Variants in TOX observed in about 807,000 individuals in gnomAD.
The protein encoded by TOX is thymocyte selection associated high mobility group box, also known as thymocyte selection-associated high mobility group box protein TOX.
Under a neutral mutation model 53.7 loss-of-function variants are expected in TOX, and 11 were observed. The observed-to-expected ratio is 0.20, with a 90% CI of 0.13 to 0.34. The LOEUF is 0.34. Ranked by LOEUF, TOX falls within the 10% of genes least tolerant of loss-of-function variation. The pLI is 1.00. For synonymous variants in TOX, 225 were observed against 245.3 expected (o/e 0.92, Z 0.77); for missense variants, 570 against 664.6 (o/e 0.86, Z 1.56).
chr8:58,979,683 T>C (rs1585939001), intron 1 of TOX, among the ~76,000 whole-genome samples: 1 of 152,358 alleles, frequency 6.6e-6, no homozygotes, highest in South Asian at 2.1e-4. Flanking sequence ...ATGATGATTT[T>C]TGTCTTGTTT....
chr8:59,047,206 T>C (rs202047670), intron 1 of TOX, among the ~76,000 whole-genome samples: 1 of 88,898 alleles, frequency 1.1e-5, no homozygotes, highest in Non-Finnish European at 2.1e-5. Context: ...AAGAATTGTT[T>C]TTTTTTTTTT....
rs1811760566 is a variant in TOX at position 58,903,331 on chromosome 8, C to T, written c.411+35971G>A. On this transcript the variant is annotated intron_variant, in intron 3 of 8. Transcript: ENST00000361421. The stretch of plus-strand genomic sequence containing the variant: ...AAAATTGAGGGCCTTGATCATATGC[C>T]ATCATTAAAAATCCCAGGGTAAATG... 2.6e-5 allele frequency among the ~76,000 whole-genome samples: 4 copies of T among 152,266 alleles called. No homozygotes were observed. The South Asian group carries it at 8.3e-4, about 32-fold the overall frequency.
At chr8:58,974,906 G>T (rs945067907) in intron 1 of TOX, among the ~76,000 whole-genome samples, 1 of 151,924 alleles carries the variant, frequency 6.6e-6, no homozygotes, top group Non-Finnish European at 1.5e-5. Flanking sequence ...TCACTACTAT[G>T]TTCCATACGG....
intron 1 of TOX, among the ~76,000 whole-genome samples, chr8:59,103,401 T>C (rs898355420): frequency 1.3e-5 from 2 of 152,338 alleles, no homozygotes; most frequent in East Asian, 1.9e-4. Context: ...CAAAGAACTA[T>C]ATCCCAAAGC....
At chr8:59,048,645 T>C (rs570968755) in intron 1 of TOX, among the ~76,000 whole-genome samples, 49 of 152,294 alleles carry the variant, frequency 3.2e-4, no homozygotes, top group Middle Eastern at 3.4e-3. Flanking sequence ...GAGAAACCTA[T>C]GGCTAATTTT....
At chr8:58,989,171 C>A (rs1443077821) in intron 1 of TOX, among the ~76,000 whole-genome samples, 3 of 152,018 alleles carry the variant, frequency 2.0e-5, no homozygotes, top group Non-Finnish European at 2.9e-5. Context: ...CAAAAATCAG[C>A]CGGGTGTGGT....
chr8:58,883,490 A>T (rs1323915472), intron 3 of TOX, among the ~76,000 whole-genome samples: 1 of 152,212 alleles, frequency 6.6e-6, no homozygotes, highest in Admixed American at 6.5e-5. Flanking sequence ...TTTATGCTAC[A>T]ACGAAACTTC....
chr8:59,024,633 T>C (rs1361790451), intron 1 of TOX, among the ~76,000 whole-genome samples: 1 of 152,164 alleles, frequency 6.6e-6, no homozygotes, highest in Non-Finnish European at 1.5e-5. Context: ...GTCTAGGAAA[T>C]CTTATCACTA....
intron 1 of TOX, among the ~76,000 whole-genome samples, chr8:59,047,373 C>T (rs1397423555): frequency 1.3e-5 from 2 of 151,358 alleles, no homozygotes; most frequent in Admixed American, 6.6e-5. Flanking sequence ...CCCGCCACCA[C>T]GCCCAGCTAA....
intron 1 of TOX, among the ~76,000 whole-genome samples, chr8:59,084,445 T>A (rs1431940374): frequency 6.6e-6 from 1 of 152,156 alleles, no homozygotes; most frequent in Non-Finnish European, 1.5e-5. Flanking sequence ...AAAATAAAAA[T>A]ACACCTATCC....
At chr8:59,002,225 C>A (rs1354016774) in intron 1 of TOX, among the ~76,000 whole-genome samples, 1 of 147,878 alleles carries the variant, frequency 6.8e-6, no homozygotes, top group Non-Finnish European at 1.5e-5. Flanking sequence ...CTGCCCACCT[C>A]GGCCTCCCAA....
intron 4 of TOX, among the ~76,000 whole-genome samples, chr8:58,841,995 T>C (rs1232211914): frequency 6.6e-6 from 1 of 152,232 alleles, no homozygotes; most frequent in African/African-American, 2.4e-5. Context: ...TTCTGGAAAA[T>C]AATCAAATGT....
rs969497954 is a variant in TOX at position 58,806,062 on chromosome 8, A to C, written c.*1685T>G. ...TTGATATGATCCCCTAAAAAGGAGT[A>C]AATCTGCTAGCTTTTTCTTTTTTTA... On this transcript the variant is annotated 3_prime_UTR_variant, in exon 9 of 9. Coordinates refer to ENST00000361421, the MANE Select transcript of TOX (RefSeq NM_014729.3). 1 of 152,536 alleles carries C rather than the reference A, an allele frequency of 6.6e-6. No individual in the cohort carries two copies. Among genetic ancestry groups the C allele is most frequent in the Non-Finnish European group, 1.5e-5 (1 of 68,048 alleles). The allele number at this position is 152,536 out of a possible 1,614,324, so 9.4% of individuals were successfully genotyped here.
At chr8:58,901,202 G>A (rs899786983) in intron 3 of TOX, among the ~76,000 whole-genome samples, 1 of 152,060 alleles carries the variant, frequency 6.6e-6, no homozygotes, top group Non-Finnish European at 1.5e-5. Context: ...GTAGCAAAAT[G>A]ATTCAAGTCC....
At chr8:59,004,366 C>A (rs183477242) in intron 1 of TOX, among the ~76,000 whole-genome samples, 13 of 152,288 alleles carry the variant, frequency 8.5e-5, no homozygotes. Context: ...ATAGCTTTAT[C>A]TTTTCCCCTA....
chr8:58,950,284 G>T (rs887168533), intron 2 of TOX, among the ~76,000 whole-genome samples: 4 of 151,956 alleles, frequency 2.6e-5, no homozygotes, highest in South Asian at 2.1e-4. Flanking sequence ...TCTATTTATG[G>T]CCAATCATTT....
intron 1 of TOX, among the ~76,000 whole-genome samples, chr8:58,963,314 T>TATATATATATAG (rs71557744): frequency 1.0e-3 from 132 of 130,740 alleles, no homozygotes; most frequent in Middle Eastern, 7.9e-3. Flanking sequence ...TAGATATATA[T>TATATATATATAG]ATAGATAGAT....
intron 1 of TOX, among the ~76,000 whole-genome samples, chr8:59,021,481 A>AAAAATATATAT (rs59174995): frequency 1.7e-3 from 108 of 64,670 alleles, no homozygotes; most frequent in African/African-American, 2.6e-3. Context: ...AAAAAAAAAA[A>AAAAATATATAT]ATATATATAT....
chr8:58,819,562 G>A (rs1810238536), intron 6 of TOX, among the ~76,000 whole-genome samples: 1 of 152,158 alleles, frequency 6.6e-6, no homozygotes, highest in African/African-American at 2.4e-5. Flanking sequence ...GAGTTCCTTT[G>A]ACATATGCAA....
Sources: gnomAD v4.1 joint callset for allele counts (sites outside exome capture counted in the v4.1 genomes callset) on GRCh38, gnomAD v4.1.1 for gene constraint, MANE v1.5 for transcripts, NCBI Gene and HGNC (gene_info 2026-07-23, HGNC 2026-07-21) for gene names.